PAPLN: variants seen among roughly 807,000 people sequenced by gnomAD.
PAPLN encodes the protein papilin.
PAPLN carries 146 observed loss-of-function variants against 159.0 expected under a neutral mutation model. The ratio of observed to expected loss-of-function variants is 0.92; its 90% CI spans 0.80 to 1.05. The LOEUF is 1.05. PAPLN is among the 50% of genes least tolerant of loss of function. The pLI is 0.00. For missense variants in PAPLN, 1,720 were observed against 1,743.9 expected (o/e 0.99, Z 0.24); for synonymous variants, 734 against 702.9 (o/e 1.04, Z -0.70).
At position 73,245,519 on chromosome 14, in the gene PAPLN, C is replaced by A; in HGVS notation, c.171-117C>A. 1 of 1,164,864 alleles carries A rather than the reference C, an allele frequency of 8.6e-7. No individual in the cohort carries two copies. The allele number at this position is 1,164,864 out of a possible 1,614,324, so 72.2% of individuals were successfully genotyped here. A position where few individuals can be genotyped will look rare whatever the true frequency, so the allele number is the denominator to read the frequency against. Reference sequence around the variant, plus strand: ...ACGGGGTGGGGTCGGGGGACACCCTCTCACCTTGCTGCTCCCACTGGAGAG... The same window carrying A: ...ACGGGGTGGGGTCGGGGGACACCCTATCACCTTGCTGCTCCCACTGGAGAG... On this transcript the variant is annotated intron_variant, in intron 3 of 26. Transcript: ENST00000644200. The surrounding 1 kb of genome is among the most constrained non-coding windows in gnomAD (Gnocchi z 4.2).
intron 14 of PAPLN, among the ~76,000 whole-genome samples, chr14:73,257,729 T>C (rs1333697687): frequency 6.6e-6 from 1 of 151,092 alleles, no homozygotes; most frequent in Non-Finnish European, 1.5e-5. Context: ...TATATTTGTG[T>C]TTTCATTATC....
chr14:73,258,716 C>T (rs1049263017), intron 14 of PAPLN, among the ~76,000 whole-genome samples: 2 of 151,606 alleles, frequency 1.3e-5, no homozygotes, highest in African/African-American at 4.8e-5. Context: ...GAGCCATGAT[C>T]ACCCTACTGC....
chr14:73,264,125 T>C (rs1594826048), intron 20 of PAPLN, 86 bp from the exon 21 acceptor site: 1 of 1,598,696 alleles, frequency 6.3e-7, no homozygotes. Flanking sequence ...TCTGGTCCCC[T>C]CTGGCACGAG....
chr14:73,262,462 C>T lies in PAPLN; in HGVS notation c.2358C>T (p.Gly786=). The T allele has an allele frequency of 1.9e-6, 3 of 1,611,346 alleles. No individual in the cohort carries two copies. The highest frequency in any genetic ancestry group is 2.5e-6 in the Non-Finnish European group (3 of 1,178,774). Residue 786 remains glycine, a synonymous_variant, in exon 19 of 27, where the codon GGC becomes GGT. Coordinates refer to ENST00000644200, the MANE Select transcript of PAPLN (RefSeq NM_001365906.3). ...AATGTAACCGCTTCTGGTATGGCGG[C>T]TGCCATGGCAATGCCAATAACTTTG... ...VGQCNRFWYG[G]CHGNANNFAS...
In PAPLN at chr14:73,245,797, G is replaced by A; in HGVS notation, c.231+101G>A. On this transcript the variant is annotated intron_variant, in intron 4 of 26. Coordinates refer to ENST00000644200, the MANE Select transcript of PAPLN (RefSeq NM_001365906.3). The surrounding 1 kb of genome is among the most constrained non-coding windows in gnomAD (Gnocchi z 4.2). Reference sequence around the variant, plus strand: ...GCTCCTGGCCGCGGGCTGCTGGGTTGGCCCAGCCTGGGGTCCTCCCGCCAA... The same window carrying A: ...GCTCCTGGCCGCGGGCTGCTGGGTTAGCCCAGCCTGGGGTCCTCCCGCCAA... 1.4e-6 allele frequency: 2 copies of A among 1,429,204 alleles called. No homozygotes were observed. Among genetic ancestry groups the A allele is most frequent in the South Asian group, 2.6e-5 (2 of 76,104 alleles). The allele number at this position is 1,429,204 out of a possible 1,614,324, so 88.5% of individuals were successfully genotyped here. A position where few individuals can be genotyped will look rare whatever the true frequency, so the allele number is the denominator to read the frequency against.
intron 12 of PAPLN, 89 bp from the exon 13 acceptor site, chr14:73,254,424 C>A (rs558754486): frequency 3.9e-6 from 6 of 1,523,796 alleles, no homozygotes; most frequent in Middle Eastern, 2.0e-4. Flanking sequence ...TATCTGCCTC[C>A]ACACCAGGCT....
At chr14:73,249,925 T>C (rs2293793) in intron 5 of PAPLN, 59 bp from the exon 6 acceptor site, 522,026 of 1,527,842 alleles carry the variant, frequency 0.34, 93,384 homozygotes, top group East Asian at 0.6. Context: ...AAGCCTTGGG[T>C]CTTGGGGAGG....
chr14:73,245,772 G>C lies in PAPLN; in HGVS notation c.231+76G>C. 6.7e-7 allele frequency: 1 copy of C among 1,502,354 alleles called. No homozygotes were observed. Among genetic ancestry groups the C allele is most frequent in the Non-Finnish European group, 8.9e-7 (1 of 1,121,190 alleles). The allele number at this position is 1,502,354 out of a possible 1,614,324, so 93.1% of individuals were successfully genotyped here. A position where few individuals can be genotyped will look rare whatever the true frequency, so the allele number is the denominator to read the frequency against. On this transcript the variant is annotated intron_variant, in intron 4 of 26. Coordinates refer to ENST00000644200, the MANE Select transcript of PAPLN (RefSeq NM_001365906.3). The surrounding 1 kb of genome is among the most constrained non-coding windows in gnomAD (Gnocchi z 4.2). ...GGCCGATTTCCCCATTGGGATGCCC[G>C]CTCCTGGCCGCGGGCTGCTGGGTTG...
In PAPLN at chr14:73,254,544, A is replaced by C. The variant is rs749946099; in HGVS notation, c.1334A>C (p.Lys445Thr). The change falls in exon 13 of 27, where the codon AAG (lysine) becomes ACG (threonine). Residue 445 changes from lysine to threonine, a missense_variant. By Grantham distance (78) the Lys-to-Thr change is moderately conservative (BLOSUM62 -1). Coordinates refer to ENST00000644200, the MANE Select transcript of PAPLN (RefSeq NM_001365906.3). ...CSVSCGVGVR[K>T]RSVTCRGERG... The stretch of plus-strand genomic sequence containing the variant: ...GTCAGTTGTGGCGTTGGCGTCCGGA[A>C]GCGGAGCGTTACTTGCCGGGGTGAA... 3.5e-5 allele frequency: 56 copies of C among 1,614,050 alleles called. No individual in the cohort carries two copies. Among genetic ancestry groups the C allele is most frequent in the Non-Finnish European group, 4.7e-5 (56 of 1,179,922 alleles).
At chr14:73,244,141 A>AAAT (rs1883924336) in intron 2 of PAPLN, 2 of 156,448 alleles carry the variant, frequency 1.3e-5, no homozygotes, top group Non-Finnish European at 2.8e-5. Context: ...TTTTTTTTAA[A>AAAT]TTTTGGGCAG....
chr14:73,246,728 T>A (rs536910499), intron 5 of PAPLN: 1 of 148,842 alleles, frequency 6.7e-6, no homozygotes, highest in Non-Finnish European at 1.5e-5. Context: ...CCTCCCAAGC[T>A]CAATCAATCC....
chr14:73,246,002 C>A, intron 4 of PAPLN, 71 bp from the exon 5 acceptor site: 1 of 1,401,680 alleles, frequency 7.1e-7, no homozygotes, highest in African/African-American at 1.5e-5. Context: ...TCCCTGGGCT[C>A]GGGCGGGGCG....
In PAPLN at chr14:73,245,892, C is replaced by A; in HGVS notation, c.232-181C>A. 1.1e-6 allele frequency: 1 copy of A among 887,092 alleles called. No homozygotes were observed. The highest frequency in any genetic ancestry group is 1.7e-6 in the Non-Finnish European group (1 of 597,046). The allele number at this position is 887,092 out of a possible 1,614,324, so 55.0% of individuals were successfully genotyped here. A position where few individuals can be genotyped will look rare whatever the true frequency, so the allele number is the denominator to read the frequency against. On this transcript the variant is annotated intron_variant, in intron 4 of 26. Transcript: ENST00000644200. This position sits in a 1 kb window ranked among gnomAD's most constrained non-coding sequence, Gnocchi z 4.2. Reference sequence around the variant, plus strand: ...GGGGACTGGCCTTGCCCTCCACAGCCTAGAGCACCATGGAGGGGCACGCAC... The same window carrying A: ...GGGGACTGGCCTTGCCCTCCACAGCATAGAGCACCATGGAGGGGCACGCAC...
rs1886959372 is a variant in PAPLN, at chr14:73,264,197, ACCACCCCAC to A, written c.2862-13_2862-5del. 3 of 1,613,156 alleles carry A rather than the reference ACCACCCCAC, an allele frequency of 1.9e-6. No homozygotes were observed. Among genetic ancestry groups the A allele is most frequent in the Non-Finnish European group, 2.5e-6 (3 of 1,179,846 alleles). On this transcript the variant is annotated splice_polypyrimidine_tract_variant and splice_region_variant and intron_variant, in intron 20 of 26. Transcript: ENST00000644200. ...GAGCCCAGAGCTCATGTCCTCCCAC[ACCACCCCAC>A]TCAGGCACAGGCTGCAGTTCGACGG...
At chr14:73,269,821 G>A (rs1480154127) in intron 26 of PAPLN, among the ~76,000 whole-genome samples, 2 of 151,864 alleles carry the variant, frequency 1.3e-5, no homozygotes, top group African/African-American at 4.8e-5. Context: ...TGACAATCAG[G>A]GCTGCAGCGC....
Position 73,265,452 on chromosome 14 carries a change from TTCCCGCCCCCA to T in PAPLN, c.3209_3219del (p.Phe1070CysfsTer21), listed in dbSNP as rs1448661038. 6.2e-7 allele frequency: 1 copy of T among 1,613,630 alleles called. No homozygotes were observed. Among genetic ancestry groups the T allele is most frequent in the Admixed American group, 1.7e-5 (1 of 59,998 alleles). On this transcript the variant is annotated frameshift_variant, in exon 23 of 27. Coordinates refer to ENST00000644200, the MANE Select transcript of PAPLN (RefSeq NM_001365906.3). LOFTEE classifies it high-confidence loss of function. The surrounding 1 kb of genome is among the most constrained non-coding windows in gnomAD (Gnocchi z 4.1). ...CCGGATGACCTGCCGTGCCGAAGGC[TTCCCGCCCCCA>T]GCCATCGAGTGGCAGAGAGATGGGC...
chr14:73,266,537 C>A lies in PAPLN; in HGVS notation c.3300C>A (p.Ser1100Arg). 6.2e-7 allele frequency: 1 copy of A among 1,614,160 alleles called. No individual in the cohort carries two copies. Among genetic ancestry groups the A allele is most frequent in the Non-Finnish European group, 8.5e-7 (1 of 1,180,026 alleles). The change falls in exon 24 of 27, where the codon AGC (serine) becomes AGA (arginine). Residue 1100 changes from serine (S) to arginine (R), a missense_variant. By Grantham distance (110) the Ser-to-Arg change is moderately radical (BLOSUM62 -1). Coordinates refer to ENST00000644200, the MANE Select transcript of PAPLN (RefSeq NM_001365906.3). Reference protein sequence around the residue: ...QLQPDGSLVISRVAVEDGGFY... With the variant: ...QLQPDGSLVIRRVAVEDGGFY... ...AGCCTGATGGCTCCCTGGTCATTAG[C>A]CGAGTGGCTGTAGAAGATGGCGGCT...
At chr14:73,246,642 C>CTTTTTT (rs60063397) in intron 5 of PAPLN, among the ~76,000 whole-genome samples, 36 of 116,830 alleles carry the variant, frequency 3.1e-4, no homozygotes, top group Non-Finnish European at 4.3e-4. Context: ...TTCTTTCTTT[C>CTTTTTT]TTTTTTTTTT....
chr14:73,261,455 G>T (rs1886579739), intron 18 of PAPLN, among the ~76,000 whole-genome samples, 161 bp downstream of exon 18: 1 of 152,258 alleles, frequency 6.6e-6, no homozygotes, highest in Admixed American at 6.5e-5. Context: ...AGAGAGCAGT[G>T]CCAGAGTGTT....
Sources: gnomAD v4.1 joint callset for allele counts (sites outside exome capture counted in the v4.1 genomes callset) on GRCh38, gnomAD v4.1.1 for gene constraint, Gnocchi (gnomAD v3.1) non-coding constraint, MANE v1.5 for transcripts, NCBI Gene and HGNC (gene_info 2026-07-23, HGNC 2026-07-21) for gene names.